The following ATP8A1 variants were observed in gnomAD, a reference collection of about 807,000 sequenced individuals.
ATP8A1 encodes ATPase phospholipid transporting 8A1, also known as phospholipid-transporting ATPase IA.
A neutral mutation model predicts 177.7 loss-of-function variants in ATP8A1; 90 were observed. The observed-to-expected ratio is 0.51, with a 90% CI of 0.43 to 0.60. The LOEUF (loss-of-function observed/expected upper bound fraction) is 0.60. Ranked by LOEUF, ATP8A1 falls within the 20% of genes least tolerant of loss-of-function variation. The pLI is 0.00. For missense variants in ATP8A1, 1,072 were observed against 1,392.8 expected, an observed-to-expected ratio of 0.77 and a Z score of 3.67; for synonymous variants, 493 against 485.9, an observed-to-expected ratio of 1.01 and a Z score of -0.19.
chr4:42,421,929 C>T (rs968853636), intron 35 of ATP8A1, among the ~76,000 whole-genome samples: 4 of 151,652 alleles, frequency 2.6e-5, no homozygotes, highest in African/African-American at 9.7e-5. Context: ...AGCTTTCTAA[C>T]TTTCCTTTTT....
intron 1 of ATP8A1, among the ~76,000 whole-genome samples, chr4:42,636,362 G>A (rs557174921): frequency 6.6e-6 from 1 of 151,944 alleles, no homozygotes; most frequent in African/African-American, 2.4e-5. Context: ...CACTTCAAAT[G>A]TTCGATTGTG....
At chr4:42,504,509 G>C (rs2153193666) in intron 23 of ATP8A1, among the ~76,000 whole-genome samples, 1 of 152,294 alleles carries the variant, frequency 6.6e-6, no homozygotes, top group African/African-American at 2.4e-5. Context: ...AGTCAATCTT[G>C]TTGTCTCTAC....
intron 23 of ATP8A1, among the ~76,000 whole-genome samples, chr4:42,505,636 T>G (rs1478387019): frequency 6.6e-6 from 1 of 152,220 alleles, no homozygotes; most frequent in Non-Finnish European, 1.5e-5. Context: ...AATTTTCTAT[T>G]AATAACATCA....
intron 25 of ATP8A1, among the ~76,000 whole-genome samples, chr4:42,470,530 G>A (rs562877312): frequency 6.6e-6 from 1 of 152,070 alleles, no homozygotes; most frequent in South Asian, 2.1e-4. Context: ...GTAGCCAAAA[G>A]GAATACAATA....
At chr4:42,590,270 G>A (rs1318190978) in intron 7 of ATP8A1, among the ~76,000 whole-genome samples, 10 of 152,052 alleles carry the variant, frequency 6.6e-5, no homozygotes, top group South Asian at 6.2e-4. Context: ...CAAAGCATGC[G>A]GTACAAAATG....
Position 42,507,041 on chromosome 4 carries a change from G to C in ATP8A1, c.2061C>G (p.Asp687Glu). 6.2e-7 allele frequency: 1 copy of C among 1,613,848 alleles called. No homozygotes were observed. Among genetic ancestry groups the C allele is most frequent in the Non-Finnish European group, 8.5e-7 (1 of 1,179,910 alleles). ...CGATGTTAATGGCAGTTTCTTGCTT[G>C]TCCCCTGTAAGGATCCAGATTTTGA... Reference protein sequence around the residue: ...ADIKIWILTGDKQETAINIGH... With the variant: ...ADIKIWILTGEKQETAINIGH... Residue 687 changes from aspartate to glutamate, a missense_variant, in exon 23 of 37, where the codon GAC becomes GAG. Around this residue, in one of 5 missense-constraint regions of ATP8A1, gnomAD observed 388 missense variants for 471.7 expected, o/e 0.82. Transcript: ENST00000381668.
At chr4:42,581,364 A>G (rs1287501391) in intron 10 of ATP8A1, among the ~76,000 whole-genome samples, 1 of 152,056 alleles carries the variant, frequency 6.6e-6, no homozygotes, top group Non-Finnish European at 1.5e-5. Context: ...TGATCTCCTG[A>G]CCTTGTGATC....
chr4:42,439,786 G>A (rs989008932), intron 33 of ATP8A1, among the ~76,000 whole-genome samples: 1 of 152,140 alleles, frequency 6.6e-6, no homozygotes, highest in South Asian at 2.1e-4. Flanking sequence ...AAATACCTGC[G>A]AGGACTGAGG....
At position 42,543,975 on chromosome 4, in the gene ATP8A1, C is replaced by T; in HGVS notation, c.1664G>A (p.Arg555Lys). Residue 555 changes from arginine (R) to lysine (K), a missense_variant, in exon 20 of 37, where the codon AGA becomes AAA. Arg to Lys is a conservative substitution (Grantham distance 26). Transcript: ENST00000381668. ...NVLEFTSARKRMSVIVRTPSG... is the reference protein window; with the variant it reads ...NVLEFTSARKKMSVIVRTPSG... Reference sequence around the variant, plus strand: ...TGGAGTGCGAACAATCACTGACATTCTTTTCCTAGCACTGAAAGAAAGAGG... The same window carrying T: ...TGGAGTGCGAACAATCACTGACATTTTTTTCCTAGCACTGAAAGAAAGAGG... 1.9e-6 allele frequency: 3 copies of T among 1,613,244 alleles called. No homozygotes were observed.
intron 35 of ATP8A1, among the ~76,000 whole-genome samples, chr4:42,415,815 CA>C (rs1487935968): frequency 6.6e-6 from 1 of 151,694 alleles, no homozygotes; most frequent in East Asian, 1.9e-4. Context: ...ATATCATATA[CA>C]AAAAAAGGAT....
At chr4:42,503,578 C>T in intron 23 of ATP8A1, 64 bp from the exon 24 acceptor site, 1 of 1,062,952 alleles carries the variant, frequency 9.4e-7, no homozygotes, top group Non-Finnish European at 1.4e-6. Context: ...GATGTTAAAA[C>T]AATGATATGT....
At chr4:42,616,357 G>C (rs996257021) in intron 4 of ATP8A1, among the ~76,000 whole-genome samples, 1 of 152,054 alleles carries the variant, frequency 6.6e-6, no homozygotes, top group Non-Finnish European at 1.5e-5. Flanking sequence ...ATCTTACCTC[G>C]GCACATAGGT....
At chr4:42,458,895 C>T (rs1040134842) in intron 27 of ATP8A1, among the ~76,000 whole-genome samples, 9 of 152,196 alleles carry the variant, frequency 5.9e-5, no homozygotes, top group Non-Finnish European at 8.8e-5. Flanking sequence ...TCTGCTCCCA[C>T]GCCTGATCAG....
intron 23 of ATP8A1, among the ~76,000 whole-genome samples, chr4:42,506,088 A>G (rs751285117): frequency 2.6e-5 from 4 of 152,126 alleles, no homozygotes; most frequent in Non-Finnish European, 5.9e-5. Flanking sequence ...ACATTTGGAC[A>G]TAGTCTTTAA....
At chr4:42,616,214 G>T in intron 4 of ATP8A1, 136 bp from the exon 5 acceptor site, 1 of 725,036 alleles carries the variant, frequency 1.4e-6, no homozygotes, top group Non-Finnish European at 2.3e-6. Context: ...CAATGTTAAA[G>T]TATACATTGA....
At chr4:42,482,690 TA>T (rs537538278) in intron 25 of ATP8A1, among the ~76,000 whole-genome samples, 92 of 152,304 alleles carry the variant, frequency 6.0e-4, no homozygotes, top group African/African-American at 2.1e-3. Context: ...TGTATGCTGA[TA>T]GTATCTGGGA....
Position 42,588,331 on chromosome 4 carries a change from T to A in ATP8A1, c.525-2A>T. Reference sequence around the variant, plus strand: ...ATGTAGCACATGGCTTGGGGCTCACTGTAGTTTGGAGTTGAGAAGCACAAA... The same window carrying A: ...ATGTAGCACATGGCTTGGGGCTCACAGTAGTTTGGAGTTGAGAAGCACAAA... On this transcript the variant is annotated splice_acceptor_variant, in intron 7 of 36. Coordinates refer to ENST00000381668, the MANE Select transcript of ATP8A1 (RefSeq NM_006095.2). LOFTEE classifies it high-confidence loss of function. The A allele has an allele frequency of 6.2e-7, 1 of 1,612,182 alleles. No homozygotes were observed. The highest frequency in any genetic ancestry group is 8.5e-7 in the Non-Finnish European group (1 of 1,179,334).
At chr4:42,446,525 G>A in intron 31 of ATP8A1, 58 bp downstream of exon 31, 1 of 1,517,358 alleles carries the variant, frequency 6.6e-7, no homozygotes, top group African/African-American at 1.4e-5. Context: ...AAAATAAAAT[G>A]AGGACAGATG....
intron 20 of ATP8A1, among the ~76,000 whole-genome samples, chr4:42,528,838 T>C (rs1006060290): frequency 6.6e-6 from 1 of 152,068 alleles, no homozygotes; most frequent in South Asian, 2.1e-4. Flanking sequence ...GACTTATTGG[T>C]GAGATATTTG....
Sources: gnomAD v4.1 joint callset for allele counts (sites outside exome capture counted in the v4.1 genomes callset) on GRCh38, gnomAD v4.1.1 for gene constraint, gnomAD v4.1.1 regional missense constraint, MANE v1.5 for transcripts, NCBI Gene and HGNC (gene_info 2026-07-23, HGNC 2026-07-21) for gene names.